Variants in TSPYL6 observed in about 807,000 individuals in gnomAD.
The protein encoded by TSPYL6 is TSPY like 6.
For missense variants in TSPYL6, 699 were observed against 531.5 expected (o/e 1.32, Z -3.10); for synonymous variants, 259 against 214.8 (o/e 1.21, Z -1.80).
rs988326886 is a variant in TSPYL6, at chr2:54,254,184, T to C, written c.*735A>G. The C allele has an allele frequency of 1.3e-5, 2 of 152,022 alleles. No individual in the cohort carries two copies. Among genetic ancestry groups the C allele is most frequent in the Non-Finnish European group, 2.9e-5 (2 of 68,112 alleles). The allele number at this position is 152,022 out of a possible 1,614,324, so 9.4% of individuals were successfully genotyped here. A position where few individuals can be genotyped will look rare whatever the true frequency, so the allele number is the denominator to read the frequency against. On this transcript the variant is annotated 3_prime_UTR_variant, in exon 1 of 1. Transcript: ENST00000317802. Reference sequence around the variant, plus strand: ...ACCACCTGTCTAACAAACAGTAGGGTTTCTGAGTGATGAGGGTGGTGGTGG... The same window carrying C: ...ACCACCTGTCTAACAAACAGTAGGGCTTCTGAGTGATGAGGGTGGTGGTGG...
chr2:54,254,838 A>G lies in TSPYL6; in HGVS notation c.*81T>C. The G allele has an allele frequency of 7.2e-7, 1 of 1,384,266 alleles. No individual in the cohort carries two copies. The highest frequency in any genetic ancestry group is 2.6e-4 in the Middle Eastern group (1 of 3,834). 85.7% of individuals were successfully genotyped at this position (1,384,266 alleles called of 1,614,324 possible). ...AGTCAGAACAAAAAAAGTAAAGGGC[A>G]TACCTAATGCTGTTGCCCAAGCTCA... is the stretch of plus-strand genomic sequence containing the variant. On this transcript the variant is annotated 3_prime_UTR_variant, in exon 1 of 1. Transcript: ENST00000317802.
At position 54,254,836 on chromosome 2, in the gene TSPYL6, G is replaced by A. The variant is rs1053583502; in HGVS notation, c.*83C>T. 2.2e-6 allele frequency: 3 copies of A among 1,356,400 alleles called. No homozygotes were observed. The highest frequency in any genetic ancestry group is 1.4e-5 in the South Asian group (1 of 72,738). 84.0% of individuals were successfully genotyped at this position (1,356,400 alleles called of 1,614,324 possible). On this transcript the variant is annotated 3_prime_UTR_variant, in exon 1 of 1. Transcript: ENST00000317802. ...AAAGTCAGAACAAAAAAAGTAAAGGGCATACCTAATGCTGTTGCCCAAGCT... is the reference window on the plus strand; with the variant it reads ...AAAGTCAGAACAAAAAAAGTAAAGGACATACCTAATGCTGTTGCCCAAGCT...
In TSPYL6 at chr2:54,254,703, GATGTTA is replaced by G. The variant is rs1265877013; in HGVS notation, c.*210_*215del. The G allele has an allele frequency of 1.8e-6, 1 of 549,220 alleles. No homozygotes were observed. The highest frequency in any genetic ancestry group is 2.9e-5 in the East Asian group (1 of 34,566). 34.0% of individuals were successfully genotyped at this position (549,220 alleles called of 1,614,324 possible). The stretch of plus-strand genomic sequence containing the variant: ...TGTGACCCATCGGCTGGGAGCATGT[GATGTTA>G]ATGCAGAATAGCAAGACGACCAGGT... On this transcript the variant is annotated 3_prime_UTR_variant, in exon 1 of 1. Coordinates refer to ENST00000317802, the MANE Select transcript of TSPYL6 (RefSeq NM_001003937.3).
chr2:54,255,930 CA>C, the TSPYL6 span: 1 of 1,614,186 alleles, frequency 6.2e-7, no homozygotes, highest in South Asian at 1.1e-5. Context: ...CCGCATCGAC[CA>C]AGATGTGGAA....
At position 54,256,196 on chromosome 2, in the gene TSPYL6, G is replaced by C; in HGVS notation, c.-45C>G. The stretch of plus-strand genomic sequence containing the variant: ...GCAGTGGGTAGAGGCCAGGCCAGAG[G>C]TAGGTAGCGTCAACGTTCCTCACAC... On this transcript the variant is annotated 5_prime_UTR_variant, in exon 1 of 1. Transcript: ENST00000317802. The C allele has an allele frequency of 1.3e-6, 2 of 1,551,060 alleles. No individual in the cohort carries two copies. The highest frequency in any genetic ancestry group is 1.7e-6 in the Non-Finnish European group (2 of 1,148,974).
Position 54,255,350 on chromosome 2 carries a change from C to G in TSPYL6, c.802G>C (p.Gly268Arg), listed in dbSNP as rs776273630. The G allele has an allele frequency of 2.5e-6, 4 of 1,614,142 alleles. No individual in the cohort carries two copies. Among genetic ancestry groups the G allele is most frequent in the African/African-American group, 1.3e-5 (1 of 75,008 alleles). Reference sequence around the variant, plus strand: ...TAGCTTAACATCTCGGCATCTTGGCCTCTAATCATGGCAGACAGCTGTGGG... The same window carrying G: ...TAGCTTAACATCTCGGCATCTTGGCGTCTAATCATGGCAGACAGCTGTGGG... Reference protein sequence around the residue: ...HHPQLSAMIRGQDAEMLSYLT... With the variant: ...HHPQLSAMIRRQDAEMLSYLT... Residue 268 changes from glycine to arginine, a missense_variant, in exon 1 of 1, where the codon GGC (glycine) becomes CGC (arginine). Gly to Arg is a moderately radical substitution (Grantham distance 125). Transcript: ENST00000317802.
In TSPYL6 at chr2:54,256,160, CGGCCAGGGCAGCAGTGGGTAGA is replaced by C. The variant is rs1223949938; in HGVS notation, c.-31_-10del. ...CTCTCCGGGAGGCTCATGTTGGTAG[CGGCCAGGGCAGCAGTGGGTAGA>C]GGCCAGGCCAGAGGTAGGTAGCGTC... On this transcript the variant is annotated 5_prime_UTR_variant, in exon 1 of 1. Coordinates refer to ENST00000317802, the MANE Select transcript of TSPYL6 (RefSeq NM_001003937.3). 3 of 1,605,276 alleles carry C rather than the reference CGGCCAGGGCAGCAGTGGGTAGA, an allele frequency of 1.9e-6. No homozygotes were observed. Among genetic ancestry groups the C allele is most frequent in the African/African-American group, 2.7e-5 (2 of 74,772 alleles).
rs747927664 is a variant in TSPYL6, at chr2:54,255,557, C to T, written c.595G>A (p.Gly199Ser). The change falls in exon 1 of 1, where the codon GGT becomes AGT. Residue 199 changes from glycine to serine, a missense_variant. Physicochemically the swap from Gly to Ser is moderately conservative, Grantham distance 56. Transcript: ENST00000317802. The stretch of plus-strand genomic sequence containing the variant: ...GACTCCAGGGGGTTCAGGTGGAGAC[C>T]CACGTTCAGGGGCCCGGGCCCGGGC... ...PGPGPGPLNV[G>S]LHLNPLESIQ... 1 of 1,610,750 alleles carries T rather than the reference C, an allele frequency of 6.2e-7. No individual in the cohort carries two copies. The highest frequency in any genetic ancestry group is 8.5e-7 in the Non-Finnish European group (1 of 1,179,276).
In TSPYL6 at chr2:54,255,711, G is replaced by A. The variant is rs773490596; in HGVS notation, c.441C>T (p.Ala147=). The A allele has an allele frequency of 1.5e-5, 25 of 1,613,810 alleles. No homozygotes were observed. In the Admixed American group the frequency reaches 3.8e-4, roughly 25 times the overall value. Residue 147 remains alanine (A), a synonymous_variant, in exon 1 of 1, where the codon GCC becomes GCT. Transcript: ENST00000317802. ...CACACTCCTCAGGCTTCACGTCCTC[G>A]GCCTTCCCCTCTGCAATCACTTCAG... ...SESEVIAEGK[A]EDVKPEECAM... is the part of the protein sequence containing the mutation.
chr2:54,256,178 G>A lies in TSPYL6; in HGVS notation c.-27C>T. 1 of 1,590,212 alleles carries A rather than the reference G, an allele frequency of 6.3e-7. No individual in the cohort carries two copies. On this transcript the variant is annotated 5_prime_UTR_variant, in exon 1 of 1. Transcript: ENST00000317802. ...TTGGTAGCGGCCAGGGCAGCAGTGGGTAGAGGCCAGGCCAGAGGTAGGTAG... is the reference window on the plus strand; with the variant it reads ...TTGGTAGCGGCCAGGGCAGCAGTGGATAGAGGCCAGGCCAGAGGTAGGTAG...
chr2:54,255,415 C>G lies in TSPYL6; in HGVS notation c.737G>C (p.Arg246Pro). ...YYLEQRNDIIRNIPGFWVTAF... is the reference protein window; with the variant it reads ...YYLEQRNDIIPNIPGFWVTAF... The stretch of plus-strand genomic sequence containing the variant: ...AGTGACCCAGAAGCCCGGGATATTG[C>G]GAATGATGTCATTCCTCTGCTCCAG... The change falls in exon 1 of 1, where the codon CGC (arginine) becomes CCC (proline). Residue 246 changes from arginine to proline, a missense_variant. Transcript: ENST00000317802. 1 of 1,613,992 alleles carries G rather than the reference C, an allele frequency of 6.2e-7. No individual in the cohort carries two copies. The highest frequency in any genetic ancestry group is 8.5e-7 in the Non-Finnish European group (1 of 1,180,000).
At position 54,256,164 on chromosome 2, in the gene TSPYL6, C is replaced by A. The variant is rs746359168; in HGVS notation, c.-13G>T. 2 of 1,602,288 alleles carry A rather than the reference C, an allele frequency of 1.2e-6. No individual in the cohort carries two copies. The highest frequency in any genetic ancestry group is 2.2e-5 in the South Asian group (2 of 88,974). On this transcript the variant is annotated 5_prime_UTR_variant, in exon 1 of 1. Coordinates refer to ENST00000317802, the MANE Select transcript of TSPYL6 (RefSeq NM_001003937.3). The stretch of plus-strand genomic sequence containing the variant: ...CCGGGAGGCTCATGTTGGTAGCGGC[C>A]AGGGCAGCAGTGGGTAGAGGCCAGG...
chr2:54,255,528 G>T lies in TSPYL6; in HGVS notation c.624C>A (p.Ile208=). 1 of 1,613,804 alleles carries T rather than the reference G, an allele frequency of 6.2e-7. No homozygotes were observed. Among genetic ancestry groups the T allele is most frequent in the South Asian group, 1.1e-5 (1 of 91,066 alleles). ...CATTCACGGAGTCCAGTTCCAGCTG[G>T]ATGGACTCCAGGGGGTTCAGGTGGA... The part of the protein sequence containing the change: ...VGLHLNPLES[I]QLELDSVNAE... The change falls in exon 1 of 1, where the codon ATC becomes ATA. Residue 208 remains isoleucine, a synonymous_variant. Transcript: ENST00000317802.
Position 54,256,049 on chromosome 2 carries a change from C to A in TSPYL6, c.103G>T (p.Val35Leu). ...RSREKSKATE[V>L]MADMFDGRLE... is the part of the protein sequence containing the mutation. ...CGGCCATCAAACATATCTGCCATTA[C>A]CTCTGTCGCCTTGCTCTTTTCTCGG... Residue 35 changes from valine (V) to leucine (L), a missense_variant, in exon 1 of 1, where the codon GTA becomes TTA. Physicochemically the swap from Val to Leu is conservative, Grantham distance 32. Transcript: ENST00000317802. The A allele has an allele frequency of 1.9e-6, 3 of 1,614,166 alleles. No individual in the cohort carries two copies. The South Asian group carries it at 3.3e-5, about 18-fold the overall frequency.
Position 54,254,755 on chromosome 2 carries a change from A to T in TSPYL6, c.*164T>A. The T allele has an allele frequency of 1.5e-6, 1 of 654,506 alleles. No individual in the cohort carries two copies. The highest frequency in any genetic ancestry group is 2.7e-5 in the East Asian group (1 of 36,896). The allele number at this position is 654,506 out of a possible 1,614,324, so 40.5% of individuals were successfully genotyped here. The stretch of plus-strand genomic sequence containing the variant: ...CAGGTGAAAGGGGAGCAGCACAGCC[A>T]CCAAGGTCTCAATCTTCAGGTTGAG... On this transcript the variant is annotated 3_prime_UTR_variant, in exon 1 of 1. Coordinates refer to ENST00000317802, the MANE Select transcript of TSPYL6 (RefSeq NM_001003937.3).
Position 54,255,840 on chromosome 2 carries a change from C to G in TSPYL6, c.312G>C (p.Ser104=), listed in dbSNP as rs114346583. The change falls in exon 1 of 1, where the codon TCG becomes TCC. Residue 104 remains serine, a synonymous_variant. Coordinates refer to ENST00000317802, the MANE Select transcript of TSPYL6 (RefSeq NM_001003937.3). ...TTTTGAGGCTGCCGTCAGTTGTCAG[C>G]GAGGCAGAGGCCGCTTCTAGGCCCT... is the stretch of plus-strand genomic sequence containing the variant. ...PAEGLEAASA[S]LTTDGSLKNG... is the part of the protein sequence containing the mutation. 3.7e-6 allele frequency: 6 copies of G among 1,613,812 alleles called. No homozygotes were observed. The African/African-American group carries it at 4.0e-5, about 11-fold the overall frequency.
chr2:54,253,890 G>A lies in TSPYL6; in HGVS notation c.*1029C>T, dbSNP rs1157070489. 6.6e-6 allele frequency: 1 copy of A among 152,186 alleles called. No individual in the cohort carries two copies. 9.4% of individuals were successfully genotyped at this position (152,186 alleles called of 1,614,324 possible). A position where few individuals can be genotyped will look rare whatever the true frequency, so the allele number is the denominator to read the frequency against. ...AGCCTGCCTCTGGACATGACAAAGA[G>A]AGCCAAGAAACTAAAAAGCCTGCTT... is the stretch of plus-strand genomic sequence containing the variant. On this transcript the variant is annotated 3_prime_UTR_variant, in exon 1 of 1. Coordinates refer to ENST00000317802, the MANE Select transcript of TSPYL6 (RefSeq NM_001003937.3).
chr2:54,255,857 C>A, the TSPYL6 span: 2 of 1,614,048 alleles, frequency 1.2e-6, no homozygotes, highest in Admixed American at 3.3e-5. Flanking sequence ...GAGGCCGCTT[C>A]TAGGCCCTCC....
Position 54,253,399 on chromosome 2 carries a change from T to C in TSPYL6, c.*1520A>G, listed in dbSNP as rs1008230230. On this transcript the variant is annotated 3_prime_UTR_variant, in exon 1 of 1. Coordinates refer to ENST00000317802, the MANE Select transcript of TSPYL6 (RefSeq NM_001003937.3). ...CTATTTGAAAGTAAAAGAAAATCTG[T>C]ACAGCTGAATCTTCCCAGTAAACAG... The C allele has an allele frequency of 3.9e-5, 6 of 152,216 alleles. No homozygotes were observed. Among genetic ancestry groups the C allele is most frequent in the Non-Finnish European group, 8.8e-5 (6 of 68,034 alleles). 9.4% of individuals were successfully genotyped at this position (152,216 alleles called of 1,614,324 possible). A position where few individuals can be genotyped will look rare whatever the true frequency, so the allele number is the denominator to read the frequency against.
Sources: allele counts gnomAD v4.1 joint callset, GRCh38; gene constraint gnomAD v4.1.1; transcripts MANE v1.5; gene names NCBI Gene and HGNC (gene_info 2026-07-23, HGNC 2026-07-21).